Variants in CHGB observed in about 807,000 individuals in gnomAD.
CHGB encodes chromogranin B, also known as secretogranin-1.
In CHGB, 46 loss-of-function variants were observed where a neutral mutation model predicts 69.9. The ratio of observed to expected loss-of-function variants is 0.66; its 90% CI spans 0.52 to 0.84. The LOEUF (loss-of-function observed/expected upper bound fraction) is 0.84. Ranked by LOEUF, CHGB falls within the 40% of genes least tolerant of loss-of-function variation. The pLI, the probability that CHGB is intolerant of heterozygous loss-of-function variation, is 0.00. For missense variants in CHGB, 796 were observed against 822.2 expected, an observed-to-expected ratio of 0.97 and a Z score of 0.39; for synonymous variants, 312 against 298.2, an observed-to-expected ratio of 1.05 and a Z score of -0.48.
intron 3 of CHGB, among the ~76,000 whole-genome samples, chr20:5,920,116 C>G (rs546950602): frequency 4.4e-4 from 67 of 152,342 alleles, no homozygotes; most frequent in African/African-American, 1.5e-3. Flanking sequence ...CAGCCTCTTC[C>G]AGGCCCACCT....
chr20:5,919,576 C>T (rs2088501786), intron 3 of CHGB, among the ~76,000 whole-genome samples: 1 of 152,202 alleles, frequency 6.6e-6, no homozygotes, highest in Non-Finnish European at 1.5e-5. Flanking sequence ...TGGGATTTTT[C>T]AAAAGAAGTT....
At chr20:5,911,711 C>CCGCGGACAGCGCCAGCCT in intron 1 of CHGB, 29 bp downstream of exon 1, 2 of 1,407,920 alleles carry the variant, frequency 1.4e-6, no homozygotes, top group Non-Finnish European at 1.8e-6. Flanking sequence ...CCGGTCAGCA[C>CCGCGGACAGCGCCAGCCT]CGCGGACAGC....
intron 4 of CHGB, 35 bp from the exon 5 acceptor site, chr20:5,924,937 G>A (rs751049109): frequency 2.8e-5 from 39 of 1,385,306 alleles, no homozygotes; most frequent in East Asian, 2.3e-4. Context: ...AAATTGGTTC[G>A]GGACCTCATG....
chr20:5,921,428 G>T (rs917191481), intron 3 of CHGB, among the ~76,000 whole-genome samples: 1 of 152,168 alleles, frequency 6.6e-6, no homozygotes, highest in Non-Finnish European at 1.5e-5. Context: ...AGCCCTCCCA[G>T]CTAACAACTG....
intron 4 of CHGB, among the ~76,000 whole-genome samples, chr20:5,924,602 A>G (rs959121231): frequency 5.3e-5 from 8 of 152,216 alleles, no homozygotes; most frequent in Admixed American, 2.0e-4. Flanking sequence ...CCCTACTGCC[A>G]TCAGAAATTT....
chr20:5,914,204 C>T (rs1405043529), intron 1 of CHGB, among the ~76,000 whole-genome samples: 1 of 152,024 alleles, frequency 6.6e-6, no homozygotes, highest in Non-Finnish European at 1.5e-5. Context: ...AGTTGAACTA[C>T]TTTAAGGATG....
intron 1 of CHGB, among the ~76,000 whole-genome samples, chr20:5,912,276 C>G (rs1311125865): frequency 9.2e-5 from 14 of 151,896 alleles, no homozygotes; most frequent in Non-Finnish European, 1.3e-4. Flanking sequence ...TAATATGTTC[C>G]TCTATTTTGT....
Position 5,923,513 on chromosome 20 carries a change from A to AG in CHGB, c.1371dup (p.Arg458GlufsTer19), listed in dbSNP as rs1367171106. Reference sequence around the variant, plus strand: ...CCAAGAAAACCAGATGGACAAGGCAAGGAGGCATCCACAAGGTGCGTGGAA... The same window carrying AG: ...CCAAGAAAACCAGATGGACAAGGCAAGGGAGGCATCCACAAGGTGCGTGGAA... On this transcript the variant is annotated frameshift_variant, in exon 4 of 5. Coordinates refer to ENST00000378961, the MANE Select transcript of CHGB (RefSeq NM_001819.3). LOFTEE classifies it high-confidence loss of function. The AG allele has an allele frequency of 6.2e-7, 1 of 1,614,082 alleles. No individual in the cohort carries two copies. The highest frequency in any genetic ancestry group is 8.5e-7 in the Non-Finnish European group (1 of 1,180,050).
rs1490123249 is a variant in CHGB, at chr20:5,925,274, A to T, written c.*225A>T. Reference sequence around the variant, plus strand: ...TTCTTTTCTGCAAAATAGACATATTAACATGCTTATGACAATGACTGTGCT... The same window carrying T: ...TTCTTTTCTGCAAAATAGACATATTTACATGCTTATGACAATGACTGTGCT... On this transcript the variant is annotated 3_prime_UTR_variant, in exon 5 of 5. Transcript: ENST00000378961. The T allele has an allele frequency of 2.6e-6, 1 of 384,872 alleles. No individual in the cohort carries two copies. The highest frequency in any genetic ancestry group is 4.7e-6 in the Non-Finnish European group (1 of 211,778). The allele number at this position is 384,872 out of a possible 1,614,324, so 23.8% of individuals were successfully genotyped here.
chr20:5,924,941 C>G, intron 4 of CHGB, 31 bp from the exon 5 acceptor site: 1 of 1,442,116 alleles, frequency 6.9e-7, no homozygotes, highest in Non-Finnish European at 9.8e-7. Context: ...TGGTTCGGGA[C>G]CTCATGCCTC....
At chr20:5,918,408 C>T (rs2088491783) in intron 3 of CHGB, among the ~76,000 whole-genome samples, 2 of 151,462 alleles carry the variant, frequency 1.3e-5, no homozygotes, top group South Asian at 4.2e-4. Context: ...AAAACAAAAA[C>T]AAAAAAAACA....
intron 1 of CHGB, chr20:5,914,767 A>T (rs2088466133): frequency 6.6e-6 from 1 of 152,238 alleles, no homozygotes; most frequent in African/African-American, 2.4e-5. Flanking sequence ...ATCTTGCCTG[A>T]TAAGCATTTC....
intron 3 of CHGB, among the ~76,000 whole-genome samples, chr20:5,920,615 C>T (rs750106420): frequency 6.6e-6 from 1 of 152,192 alleles, no homozygotes; most frequent in Non-Finnish European, 1.5e-5. Context: ...CTAATTACCT[C>T]TCAGAGGCCC....
At chr20:5,919,437 A>G (rs1307499674) in intron 3 of CHGB, among the ~76,000 whole-genome samples, 1 of 152,206 alleles carries the variant, frequency 6.6e-6, no homozygotes, top group African/African-American at 2.4e-5. Context: ...ACAGACAAAT[A>G]ACACAAAAGA....
At chr20:5,914,117 CTT>C (rs541596447) in intron 1 of CHGB, among the ~76,000 whole-genome samples, 2 of 151,060 alleles carry the variant, frequency 1.3e-5, no homozygotes, top group Non-Finnish European at 3.0e-5. Context: ...AGTAGGTTTT[CTT>C]TTTTTTTCGT....
intron 4 of CHGB, among the ~76,000 whole-genome samples, chr20:5,924,485 C>G (rs1170245683): frequency 6.6e-6 from 1 of 152,274 alleles, no homozygotes; most frequent in East Asian, 1.9e-4. Context: ...TGGTATCTTC[C>G]CCTTGGTCCT....
chr20:5,915,306 A>G (rs2088469069), intron 1 of CHGB, among the ~76,000 whole-genome samples: 2 of 152,266 alleles, frequency 1.3e-5, no homozygotes, highest in Non-Finnish European at 2.9e-5. Context: ...CTGTTTTAAG[A>G]TAGGCGGAAT....
Position 5,914,128 on chromosome 20 carries a change from G to A in CHGB, c.50-2198G>A, listed in dbSNP as rs369145019. On this transcript the variant is annotated intron_variant, in intron 1 of 4. Coordinates refer to ENST00000378961, the MANE Select transcript of CHGB (RefSeq NM_001819.3). ...GAGCAGTAGGTTTTCTTTTTTTTTC[G>A]TATATACCTACAGAGAGCATTAGAT... 7.3e-5 allele frequency among the ~76,000 whole-genome samples: 11 copies of A among 150,202 alleles called. No individual in the cohort carries two copies. The East Asian group carries it at 7.7e-4, about 11-fold the overall frequency.
rs760530175 is a variant in CHGB at position 5,922,762 on chromosome 20, A to T, written c.618A>T (p.Ser206=). The change falls in exon 4 of 5, where the codon TCA becomes TCT. Residue 206 remains serine (S), a synonymous_variant. Coordinates refer to ENST00000378961, the MANE Select transcript of CHGB (RefSeq NM_001819.3). The stretch of plus-strand genomic sequence containing the variant: ...TTCTCAATGAAAGAAAGCAGGCTTC[A>T]GCTATAAAAAAAGAGGAGTTAGTGG... The part of the protein sequence containing the change: ...NAFLNERKQA[S]AIKKEELVAR... The T allele has an allele frequency of 1.2e-6, 2 of 1,614,180 alleles. No homozygotes were observed. The highest frequency in any genetic ancestry group is 1.7e-6 in the Non-Finnish European group (2 of 1,180,026).
Sources: allele counts gnomAD v4.1 joint callset (sites outside exome capture counted in the v4.1 genomes callset), GRCh38; gene constraint gnomAD v4.1.1; transcripts MANE v1.5; gene names NCBI Gene and HGNC (gene_info 2026-07-23, HGNC 2026-07-21).